Variants in METTL14 observed in about 807,000 individuals in gnomAD.
The protein encoded by METTL14 is methyltransferase 14, N6-adenosine-methyltransferase non-catalytic subunit, also known as N(6)-adenosine-methyltransferase non-catalytic subunit METTL14.
A neutral mutation model predicts 62.4 loss-of-function variants in METTL14; 32 were observed. The observed-to-expected ratio is 0.51, with a 90% CI of 0.39 to 0.69. The LOEUF (loss-of-function observed/expected upper bound fraction) is 0.69. Among genes scored for constraint, METTL14 ranks in the 30% least tolerant of loss-of-function variants. The pLI is 0.00. For synonymous variants in METTL14, 150 were observed against 180.0 expected (o/e 0.83, Z 1.34); for missense variants, 340 against 551.9 (o/e 0.62, Z 3.85).
rs1236299159 is a variant in METTL14 at position 118,705,824 on chromosome 4, A to C, written c.1066+3A>C. 6.2e-7 allele frequency: 1 copy of C among 1,608,058 alleles called. No individual in the cohort carries two copies. Among genetic ancestry groups the C allele is most frequent in the African/African-American group, 1.3e-5 (1 of 74,686 alleles). On this transcript the variant is annotated splice_donor_region_variant and intron_variant, in intron 10 of 10. Coordinates refer to ENST00000388822, the MANE Select transcript of METTL14 (RefSeq NM_020961.4). ...AAGAGATAGTACAATTCGACCAGGTAGGACCTCAGTTAACAACAACTTTTA... is the reference window on the plus strand; with the variant it reads ...AAGAGATAGTACAATTCGACCAGGTCGGACCTCAGTTAACAACAACTTTTA...
In METTL14 at chr4:118,685,620, C is replaced by G. The variant is rs567001654; in HGVS notation, c.66+20C>G. 6.2e-7 allele frequency: 1 copy of G among 1,612,620 alleles called. No homozygotes were observed. Among genetic ancestry groups the G allele is most frequent in the South Asian group, 1.1e-5 (1 of 90,994 alleles). ...CAGCAGGTCCGCGGCCCTGGTGTCC[C>G]CTGTGGGAGGGATCGAGAATGCGAG... On this transcript the variant is annotated intron_variant, in intron 1 of 10. Transcript: ENST00000388822.
In METTL14 at chr4:118,685,616, G is replaced by A; in HGVS notation, c.66+16G>A. ...CGCGCAGCAGGTCCGCGGCCCTGGT[G>A]TCCCCTGTGGGAGGGATCGAGAATG... On this transcript the variant is annotated intron_variant, in intron 1 of 10. Transcript: ENST00000388822. 1 of 1,613,320 alleles carries A rather than the reference G, an allele frequency of 6.2e-7. No individual in the cohort carries two copies.
chr4:118,691,514 A>T lies in METTL14; in HGVS notation c.244-18A>T, dbSNP rs1454503964. On this transcript the variant is annotated intron_variant, in intron 3 of 10. Coordinates refer to ENST00000388822, the MANE Select transcript of METTL14 (RefSeq NM_020961.4). ...ACCCCTATTTGTAAAATATTTACTT[A>T]ATCTTATGTTTTTCAAGGATGAACT... The T allele has an allele frequency of 1.4e-6, 2 of 1,427,090 alleles. No homozygotes were observed. Among genetic ancestry groups the T allele is most frequent in the South Asian group, 2.6e-5 (2 of 76,622 alleles). 88.4% of individuals were successfully genotyped at this position (1,427,090 alleles called of 1,614,324 possible).
chr4:118,709,745 A>T (rs1308837938), intron 10 of METTL14, among the ~76,000 whole-genome samples: 1 of 152,176 alleles, frequency 6.6e-6, no homozygotes, highest in Non-Finnish European at 1.5e-5. Context: ...TCTAAGTTCT[A>T]TTCTCACAAA....
intron 8 of METTL14, among the ~76,000 whole-genome samples, chr4:118,701,729 A>G (rs1226961327): frequency 2.0e-5 from 3 of 152,180 alleles, no homozygotes; most frequent in South Asian, 2.1e-4. Flanking sequence ...ATCTCATTTA[A>G]TGATTCCAAT....
chr4:118,685,414 T>A lies in METTL14; in HGVS notation c.-121T>A. On this transcript the variant is annotated 5_prime_UTR_variant, in exon 1 of 11. It removes an upstream start codon present in the reference 5' UTR. Transcript: ENST00000388822. ...CGGAAGTCTCTACTGAGGAAAGCTA[T>A]GAGGATACTCTGTTCGTAAGCTCCC... The A allele has an allele frequency of 1.0e-6, 1 of 1,002,326 alleles. No individual in the cohort carries two copies. The highest frequency in any genetic ancestry group is 1.3e-5 in the South Asian group (1 of 74,362). The allele number at this position is 1,002,326 out of a possible 1,614,324, so 62.1% of individuals were successfully genotyped here.
At position 118,703,983 on chromosome 4, in the gene METTL14, A is replaced by T; in HGVS notation, c.787A>T (p.Lys263Ter). The T allele has an allele frequency of 6.3e-7, 1 of 1,592,692 alleles. No individual in the cohort carries two copies. The highest frequency in any genetic ancestry group is 8.5e-7 in the Non-Finnish European group (1 of 1,174,406). The change falls in exon 9 of 11, where the codon AAA becomes TAA. Residue 263 changes from lysine (K) to a stop codon, truncating the protein, a stop_gained. Transcript: ENST00000388822. LOFTEE classifies it high-confidence loss of function. ...AAGATGTGAAGATATTTGTTGGATTAAAACCAATAAAAACAATCCTGGGAA... is the reference window on the plus strand; with the variant it reads ...AAGATGTGAAGATATTTGTTGGATTTAAACCAATAAAAACAATCCTGGGAA... Reference protein sequence around the residue: ...YRRCEDICWIKTNKNNPGKTK... With the variant: ...YRRCEDICWI
At chr4:118,698,091 A>G (rs1724471922) in intron 7 of METTL14, among the ~76,000 whole-genome samples, 1 of 152,118 alleles carries the variant, frequency 6.6e-6, no homozygotes, top group African/African-American at 2.4e-5. Flanking sequence ...AATAAGTCTG[A>G]AGAGTTTTAA....
intron 1 of METTL14, chr4:118,686,842 T>G: frequency 3.4e-6 from 1 of 293,756 alleles, no homozygotes; most frequent in Non-Finnish European, 6.8e-6. Flanking sequence ...GCTCTACCTT[T>G]TAAAGTCTTT....
chr4:118,691,106 CTTTT>C (rs33920104), intron 3 of METTL14, among the ~76,000 whole-genome samples: 1 of 148,092 alleles, frequency 6.8e-6, no homozygotes, highest in Non-Finnish European at 1.5e-5. Flanking sequence ...ATGTTTGTGA[CTTTT>C]TTTTTTATTA....
At chr4:118,708,212 AG>A (rs1724815740) in intron 10 of METTL14, among the ~76,000 whole-genome samples, 1 of 152,212 alleles carries the variant, frequency 6.6e-6, no homozygotes, top group Admixed American at 6.5e-5. Flanking sequence ...TTTGGAAGAG[AG>A]GGGAATCCCT....
chr4:118,715,404 TTAA>T lies in METTL14; in HGVS notation c.*5109_*5111del, dbSNP rs1263242470. ...TAGTTTATGTATTGTGGTGGGTACC[TTAA>T]TAATAAAAAGATTTTTAATGTAATA... On this transcript the variant is annotated 3_prime_UTR_variant, in exon 11 of 11. Transcript: ENST00000388822. 8 of 152,316 alleles carry T rather than the reference TTAA, an allele frequency of 5.3e-5. No individual in the cohort carries two copies. The highest frequency in any genetic ancestry group is 2.0e-4 in the Admixed American group (3 of 15,296). The allele number at this position is 152,316 out of a possible 1,614,324, so 9.4% of individuals were successfully genotyped here.
chr4:118,705,143 T>G (rs1048195589), intron 9 of METTL14, among the ~76,000 whole-genome samples: 2 of 152,128 alleles, frequency 1.3e-5, no homozygotes, highest in Non-Finnish European at 2.9e-5. Flanking sequence ...TCTTTCCTCA[T>G]CCAGAGATCC....
chr4:118,698,263 AC>A (rs1485499787), intron 7 of METTL14, among the ~76,000 whole-genome samples: 1 of 151,386 alleles, frequency 6.6e-6, no homozygotes, highest in African/African-American at 2.4e-5. Flanking sequence ...GACCAGCCTG[AC>A]CAACATGGTG....
chr4:118,688,592 G>T (rs1246434740), intron 2 of METTL14, among the ~76,000 whole-genome samples: 1 of 152,240 alleles, frequency 6.6e-6, no homozygotes, highest in African/African-American at 2.4e-5. Flanking sequence ...ATTTTCTGAG[G>T]ATAGTAAGTT....
chr4:118,701,738 A>T (rs1431317139), intron 8 of METTL14, among the ~76,000 whole-genome samples: 1 of 152,136 alleles, frequency 6.6e-6, no homozygotes, highest in Non-Finnish European at 1.5e-5. Context: ...AATGATTCCA[A>T]TTTGGGGAGG....
intron 9 of METTL14, among the ~76,000 whole-genome samples, chr4:118,705,364 A>G (rs1261169647): frequency 6.6e-6 from 1 of 152,090 alleles, no homozygotes; most frequent in African/African-American, 2.4e-5. Flanking sequence ...GGTCCCAGCT[A>G]CTTGGGAGGC....
At chr4:118,699,427 C>A (rs552772200) in intron 7 of METTL14, among the ~76,000 whole-genome samples, 1 of 152,150 alleles carries the variant, frequency 6.6e-6, no homozygotes, top group Non-Finnish European at 1.5e-5. Flanking sequence ...AGATTAGAGA[C>A]TTAATGCTCT....
At chr4:118,696,601 A>G (rs146557748) in intron 6 of METTL14, among the ~76,000 whole-genome samples, 92 of 152,360 alleles carry the variant, frequency 6.0e-4, no homozygotes, top group African/African-American at 2.1e-3. Flanking sequence ...TTTAAATTTA[A>G]AATATTTTCA....
Sources: allele counts gnomAD v4.1 joint callset (sites outside exome capture counted in the v4.1 genomes callset), GRCh38; gene constraint gnomAD v4.1.1; transcripts MANE v1.5; gene names NCBI Gene and HGNC (gene_info 2026-07-23, HGNC 2026-07-21).